Variants in PRICKLE1 observed in about 807,000 individuals in gnomAD.
PRICKLE1 encodes the protein prickle-like protein 1.
A neutral mutation model predicts 70.2 loss-of-function variants in PRICKLE1; 14 were observed. The observed-to-expected ratio is 0.20, with a 90% CI of 0.13 to 0.31. The LOEUF (loss-of-function observed/expected upper bound fraction) is 0.31, where lower values mean the gene tolerates loss of function less well. Among genes scored for constraint, PRICKLE1 ranks in the 10% least tolerant of loss-of-function variants. The pLI, the probability that PRICKLE1 is intolerant of heterozygous loss-of-function variation, is 1.00. For missense variants in PRICKLE1, 821 were observed against 1,026.2 expected (o/e 0.80, Z 2.73); for synonymous variants, 357 against 379.9 (o/e 0.94, Z 0.70).
At chr12:42,573,460 T>C (rs1388656523) in intron 1 of PRICKLE1, among the ~76,000 whole-genome samples, 1 of 152,218 alleles carries the variant, frequency 6.6e-6, no homozygotes, top group Non-Finnish European at 1.5e-5. Flanking sequence ...GTTAAGGTTT[T>C]AGCTTCTACA....
In PRICKLE1 at chr12:42,469,501, T is replaced by C. The variant is rs1226664543; in HGVS notation, c.333A>G (p.Arg111=). The change falls in exon 4 of 8, where the codon AGA becomes AGG. Residue 111 remains arginine, a synonymous_variant. Coordinates refer to ENST00000345127, the MANE Select transcript of PRICKLE1 (RefSeq NM_153026.3). The stretch of plus-strand genomic sequence containing the variant: ...CTCTGGACAGAAGCTTAATTGTTCC[T>C]CTTCCCAGTGCTTCTTTCTTCCGCT... The part of the protein sequence containing the change: ...SAQRKKEALG[R]GTIKLLSRAV... 1.2e-6 allele frequency: 2 copies of C among 1,614,198 alleles called. No homozygotes were observed. Among genetic ancestry groups the C allele is most frequent in the East Asian group, 2.2e-5 (1 of 44,878 alleles).
Position 42,459,954 on chromosome 12 carries a change from G to C in PRICKLE1, c.2351C>G (p.Pro784Arg). ...EEGYFLGQPI[P>R]QPRPQRFAYY... ...GGCAAATCTCTGTGGCCGGGGTTGA[G>C]GGATTGGTTGTCCAAGAAAATATCC... Residue 784 changes from proline to arginine, a missense_variant, in exon 8 of 8, where the codon CCT (proline) becomes CGT (arginine). Coordinates refer to ENST00000345127, the MANE Select transcript of PRICKLE1 (RefSeq NM_153026.3). 5.6e-6 allele frequency: 9 copies of C among 1,614,164 alleles called. No individual in the cohort carries two copies. Among genetic ancestry groups the C allele is most frequent in the Non-Finnish European group, 6.8e-6 (8 of 1,180,032 alleles).
In PRICKLE1 at chr12:42,459,402, C is replaced by T. The variant is rs745482621; in HGVS notation, c.*407G>A. 2.7e-5 allele frequency: 19 copies of T among 701,068 alleles called. No homozygotes were observed. In the South Asian group the frequency reaches 2.8e-4, roughly 10 times the overall value. The allele number at this position is 701,068 out of a possible 1,614,324, so 43.4% of individuals were successfully genotyped here. On this transcript the variant is annotated 3_prime_UTR_variant, in exon 8 of 8. Coordinates refer to ENST00000345127, the MANE Select transcript of PRICKLE1 (RefSeq NM_153026.3). ...CAGGCATGCCTCACACCAAGACGGACTATCAAGACCTGAGCCGACCTGACT... is the reference window on the plus strand; with the variant it reads ...CAGGCATGCCTCACACCAAGACGGATTATCAAGACCTGAGCCGACCTGACT...
intron 1 of PRICKLE1, among the ~76,000 whole-genome samples, chr12:42,530,341 A>G (rs1282863026): frequency 6.6e-6 from 1 of 152,152 alleles, no homozygotes; most frequent in Non-Finnish European, 1.5e-5. Context: ...ATGAAACACT[A>G]ATGGTGAACT....
intron 1 of PRICKLE1, among the ~76,000 whole-genome samples, chr12:42,587,663 G>C (rs1227768283): frequency 6.6e-6 from 1 of 152,192 alleles, no homozygotes. Flanking sequence ...CTTTCTTCAG[G>C]CTCCAGCTGG....
chr12:42,495,150 C>T (rs1939173350), intron 1 of PRICKLE1, among the ~76,000 whole-genome samples: 1 of 151,792 alleles, frequency 6.6e-6, no homozygotes, highest in African/African-American at 2.4e-5. Context: ...GGGTGGATTA[C>T]TTGAGTTCAA....
chr12:42,475,274 C>G (rs1938478172), intron 1 of PRICKLE1, among the ~76,000 whole-genome samples: 1 of 152,326 alleles, frequency 6.6e-6, no homozygotes, highest in South Asian at 2.1e-4. Flanking sequence ...GCATGGCTTT[C>G]TGTTTCATTT....
At chr12:42,581,555 G>C (rs1370477627) in intron 1 of PRICKLE1, among the ~76,000 whole-genome samples, 1 of 151,960 alleles carries the variant, frequency 6.6e-6, no homozygotes, top group Non-Finnish European at 1.5e-5. Context: ...GACCAGCCTG[G>C]TCAACACATG....
Position 42,458,677 on chromosome 12 carries a change from A to G in PRICKLE1, c.*1132T>C, listed in dbSNP as rs922398634. On this transcript the variant is annotated 3_prime_UTR_variant, in exon 8 of 8. Transcript: ENST00000345127. ...TAACCTCTCTTAAAATAACAAATCT[A>G]CAAAGTCCTCTGCCACAAAAGCAGA... The G allele has an allele frequency of 1.3e-5, 2 of 152,258 alleles. No homozygotes were observed. The highest frequency in any genetic ancestry group is 4.8e-5 in the African/African-American group (2 of 41,464). The allele number at this position is 152,258 out of a possible 1,614,324, so 9.4% of individuals were successfully genotyped here. A position where few individuals can be genotyped will look rare whatever the true frequency, so the allele number is the denominator to read the frequency against.
chr12:42,482,494 T>A (rs772733431), intron 1 of PRICKLE1, among the ~76,000 whole-genome samples: 3 of 152,192 alleles, frequency 2.0e-5, no homozygotes, highest in African/African-American at 4.8e-5. Context: ...TTTTCAACAG[T>A]GGCCCGAGGA....
chr12:42,530,708 A>G (rs1342675506), intron 1 of PRICKLE1, among the ~76,000 whole-genome samples: 2 of 97,486 alleles, frequency 2.1e-5, no homozygotes, highest in Non-Finnish European at 3.8e-5. Flanking sequence ...TTTTTTGAGC[A>G]GAGTCTCACT....
chr12:42,497,523 T>A (rs1174285038), intron 1 of PRICKLE1, among the ~76,000 whole-genome samples: 6 of 125,190 alleles, frequency 4.8e-5, no homozygotes, highest in African/African-American at 1.2e-4. Context: ...CACTCCAGCC[T>A]GGGTGACAGC....
At chr12:42,537,953 G>A (rs978882059) in intron 1 of PRICKLE1, among the ~76,000 whole-genome samples, 3 of 152,202 alleles carry the variant, frequency 2.0e-5, no homozygotes, top group Non-Finnish European at 4.4e-5. Context: ...GCAAAGGGAA[G>A]TTAAAAACAC....
At chr12:42,524,568 C>T (rs1939768832) in intron 1 of PRICKLE1, among the ~76,000 whole-genome samples, 1 of 152,062 alleles carries the variant, frequency 6.6e-6, no homozygotes, top group South Asian at 2.1e-4. Flanking sequence ...CCTGCCACCG[C>T]ACCCGGCTAA....
intron 1 of PRICKLE1, among the ~76,000 whole-genome samples, chr12:42,570,886 A>G (rs1010148403): frequency 2.6e-5 from 4 of 152,284 alleles, no homozygotes; most frequent in Non-Finnish European, 5.9e-5. Flanking sequence ...TTATTATATA[A>G]CCTTTAAAAT....
At chr12:42,483,361 G>C (rs1333629729) in intron 1 of PRICKLE1, 1 of 149,056 alleles carries the variant, frequency 6.7e-6, no homozygotes, top group African/African-American at 2.6e-5. Context: ...CTGGGACCCA[G>C]ACAGCGGCTC....
chr12:42,585,651 G>A (rs1343797932), intron 1 of PRICKLE1, among the ~76,000 whole-genome samples: 2 of 152,118 alleles, frequency 1.3e-5, no homozygotes, highest in Non-Finnish European at 2.9e-5. Flanking sequence ...TGTCTGGTTC[G>A]CCATCCCTGC....
chr12:42,560,054 G>T (rs1940482032), intron 1 of PRICKLE1, among the ~76,000 whole-genome samples: 1 of 150,608 alleles, frequency 6.6e-6, no homozygotes, highest in Non-Finnish European at 1.5e-5. Context: ...TCAAACTTAA[G>T]GTAAAGTATT....
intron 1 of PRICKLE1, among the ~76,000 whole-genome samples, chr12:42,495,062 TA>T (rs1555233486): frequency 6.6e-6 from 1 of 150,954 alleles, no homozygotes; most frequent in East Asian, 2.0e-4. Flanking sequence ...CCTGGCTAAT[TA>T]AAAAAAATTT....
Sources: gnomAD v4.1 joint callset for allele counts (sites outside exome capture counted in the v4.1 genomes callset) on GRCh38, gnomAD v4.1.1 for gene constraint, MANE v1.5 for transcripts, NCBI Gene and HGNC (gene_info 2026-07-23, HGNC 2026-07-21) for gene names.